Variants in WWP2 observed in about 807,000 individuals in gnomAD.
WWP2 encodes WW domain containing E3 ubiquitin protein ligase 2.
WWP2 carries 57 observed loss-of-function variants against 121.0 expected under a neutral mutation model. The observed-to-expected ratio is 0.47, with a 90% CI of 0.38 to 0.59. The LOEUF (loss-of-function observed/expected upper bound fraction) is 0.59. Among genes scored for constraint, WWP2 ranks in the 20% least tolerant of loss-of-function variants. The probability of loss-of-function intolerance (pLI) is 0.00; values close to 1 mark genes in which losing one functional copy is unlikely to be tolerated. For synonymous variants in WWP2, 449 were observed against 441.3 expected, an observed-to-expected ratio of 1.02 and a Z score of -0.22; for missense variants, 962 against 1,158.9, an observed-to-expected ratio of 0.83 and a Z score of 2.47.
At chr16:69,778,466 ATC>A (rs1160190067) in intron 1 of WWP2, among the ~76,000 whole-genome samples, 3 of 152,050 alleles carry the variant, frequency 2.0e-5, no homozygotes, top group Non-Finnish European at 4.4e-5. Flanking sequence ...GTACGGAGTC[ATC>A]TGTTCGTGTT....
intron 6 of WWP2, among the ~76,000 whole-genome samples, chr16:69,850,469 T>TA (rs1567378602): frequency 1.3e-5 from 2 of 151,682 alleles, no homozygotes; most frequent in African/African-American, 2.4e-5. Flanking sequence ...ATGGATGAGT[T>TA]AGAGTCTAGT....
intron 4 of WWP2, among the ~76,000 whole-genome samples, chr16:69,835,568 G>A (rs1482603030): frequency 2.0e-5 from 3 of 152,036 alleles, no homozygotes; most frequent in Non-Finnish European, 4.4e-5. Flanking sequence ...CCTATTTCTG[G>A]CTCTTGTTAA....
At chr16:69,849,482 T>TATTTATTC (rs1555553863) in intron 6 of WWP2, among the ~76,000 whole-genome samples, 2,402 of 149,624 alleles carry the variant, frequency 0.016, 42 homozygotes, top group African/African-American at 0.047. Context: ...TTTATTTATT[T>TATTTATTC]ATTCATTCAT....
intron 6 of WWP2, among the ~76,000 whole-genome samples, chr16:69,860,993 G>A (rs1303382059): frequency 6.6e-6 from 1 of 152,226 alleles, no homozygotes; most frequent in Non-Finnish European, 1.5e-5. Context: ...TAGCGAGAAA[G>A]TGAAGAGGCT....
chr16:69,884,024 A>G (rs1434731105), intron 7 of WWP2, among the ~76,000 whole-genome samples: 1 of 152,224 alleles, frequency 6.6e-6, no homozygotes, highest in East Asian at 1.9e-4. Flanking sequence ...AGTATAAAGA[A>G]TGTCTTTTTC....
chr16:69,860,086 A>G (rs569594079), intron 6 of WWP2, among the ~76,000 whole-genome samples: 71 of 152,210 alleles, frequency 4.7e-4, no homozygotes, highest in Non-Finnish European at 5.9e-5. Context: ...CTGTAATCCC[A>G]GCACTTTGGG....
intron 6 of WWP2, among the ~76,000 whole-genome samples, chr16:69,854,929 C>T (rs976962755): frequency 6.6e-6 from 1 of 152,118 alleles, no homozygotes; most frequent in Non-Finnish European, 1.5e-5. Flanking sequence ...AATCAAGGCC[C>T]ACTGCAGCCT....
chr16:69,770,861 G>T (rs73579458), intron 1 of WWP2, among the ~76,000 whole-genome samples: 1 of 151,642 alleles, frequency 6.6e-6, no homozygotes, highest in Non-Finnish European at 1.5e-5. Flanking sequence ...GGCTGGGCGT[G>T]GTGGCTCACA....
intron 8 of WWP2, among the ~76,000 whole-genome samples, chr16:69,902,032 T>C (rs974780184): frequency 6.6e-6 from 1 of 152,254 alleles, no homozygotes; most frequent in African/African-American, 2.4e-5. Flanking sequence ...TTTAGCTTAA[T>C]CCTATTCTTG....
chr16:69,927,918 T>G (rs550621088), intron 11 of WWP2, among the ~76,000 whole-genome samples: 1 of 152,378 alleles, frequency 6.6e-6, no homozygotes, highest in South Asian at 2.1e-4. Context: ...TGCCTCAGCC[T>G]CCCAAAGTGC....
intron 8 of WWP2, among the ~76,000 whole-genome samples, chr16:69,901,389 G>A (rs903816138): frequency 7.2e-5 from 11 of 152,076 alleles, no homozygotes; most frequent in Admixed American, 5.9e-4. Flanking sequence ...CTTTTCTTTA[G>A]GATGTGAAAG....
chr16:69,770,502 C>T (rs150577064), intron 1 of WWP2, among the ~76,000 whole-genome samples: 8 of 152,268 alleles, frequency 5.3e-5, no homozygotes, highest in African/African-American at 1.4e-4. Context: ...CCTCGCCCTA[C>T]GTCTCTTCAT....
intron 1 of WWP2, among the ~76,000 whole-genome samples, chr16:69,773,082 G>A (rs2055450585): frequency 6.6e-6 from 1 of 152,088 alleles, no homozygotes; most frequent in Non-Finnish European, 1.5e-5. Flanking sequence ...GGAAGAACTG[G>A]CCTCTGGGAA....
chr16:69,782,483 G>C (rs1322076833), intron 1 of WWP2, among the ~76,000 whole-genome samples: 1 of 152,168 alleles, frequency 6.6e-6, no homozygotes, highest in Non-Finnish European at 1.5e-5. Context: ...AGAACAAAAG[G>C]GTGATCAGTT....
chr16:69,901,476 G>C (rs1398338719), intron 8 of WWP2, among the ~76,000 whole-genome samples: 2 of 152,050 alleles, frequency 1.3e-5, no homozygotes, highest in African/African-American at 4.8e-5. Context: ...GCAGTGGCGC[G>C]ATCTCAGCTC....
At chr16:69,938,141 TG>T (rs2058829166) in intron 21 of WWP2, among the ~76,000 whole-genome samples, 1 of 152,224 alleles carries the variant, frequency 6.6e-6, no homozygotes, top group South Asian at 2.1e-4. Flanking sequence ...ACAAATTTTT[TG>T]TGGAGGTGAA....
rs780634641 is a variant in WWP2, at chr16:69,937,274, G to C, written c.2238+36G>C. The C allele has an allele frequency of 4.3e-6, 7 of 1,609,848 alleles. No homozygotes were observed. The highest frequency in any genetic ancestry group is 8.5e-7 in the Non-Finnish European group (1 of 1,178,288). ...GAGGTTGCTGGGACCCTGAGCCCCT[G>C]CCTCTGGGGCGATCCTGCTCTGTGA... On this transcript the variant is annotated intron_variant, in intron 20 of 23. Transcript: ENST00000359154. The surrounding 1 kb of genome is among the most constrained non-coding windows in gnomAD (Gnocchi z 6.6).
intron 4 of WWP2, among the ~76,000 whole-genome samples, chr16:69,831,595 T>C (rs547463722): frequency 4.1e-4 from 63 of 152,328 alleles, no homozygotes; most frequent in African/African-American, 1.4e-3. Flanking sequence ...TGACTCATCC[T>C]TGCTGCACGT....
At chr16:69,803,945 C>T (rs1024174808) in intron 4 of WWP2, among the ~76,000 whole-genome samples, 4 of 152,176 alleles carry the variant, frequency 2.6e-5, no homozygotes, top group South Asian at 4.1e-4. Flanking sequence ...AATGGCAGAG[C>T]AGCCTCCACC....
Sources: allele counts gnomAD v4.1 joint callset (sites outside exome capture counted in the v4.1 genomes callset), GRCh38; gene constraint gnomAD v4.1.1; non-coding constraint Gnocchi (gnomAD v3.1); transcripts MANE v1.5; gene names NCBI Gene and HGNC (gene_info 2026-07-23, HGNC 2026-07-21).